OCA2: variants seen among roughly 807,000 people sequenced by gnomAD.
The protein encoded by OCA2 is OCA2 melanosomal transmembrane protein, also known as P protein.
In OCA2, 77 loss-of-function variants were observed where a neutral mutation model predicts 100.2. The ratio of observed to expected loss-of-function variants is 0.77; its 90% CI spans 0.64 to 0.93. The LOEUF is 0.93. Ranked by LOEUF, OCA2 falls within the 40% of genes least tolerant of loss-of-function variation. The pLI is 0.00. For missense variants in OCA2, 1,062 were observed against 1,089.1 expected (o/e 0.98, Z 0.35); for synonymous variants, 432 against 439.2 (o/e 0.98, Z 0.21).
chr15:27,832,020 G>A (rs1328979696), intron 23 of OCA2, among the ~76,000 whole-genome samples: 11 of 150,322 alleles, frequency 7.3e-5, no homozygotes, highest in East Asian at 2.0e-4. Flanking sequence ...CCCCTGCTCC[G>A]TCAGAGACTC....
At chr15:28,000,210 T>G (rs906185550) in intron 9 of OCA2, among the ~76,000 whole-genome samples, 3 of 152,200 alleles carry the variant, frequency 2.0e-5, no homozygotes, top group Non-Finnish European at 4.4e-5. Flanking sequence ...GATATCAAAC[T>G]ATATTACACA....
At chr15:27,850,607 C>T (rs1236949848) in intron 22 of OCA2, among the ~76,000 whole-genome samples, 1 of 152,130 alleles carries the variant, frequency 6.6e-6, no homozygotes, top group South Asian at 2.1e-4. Flanking sequence ...AGAAACTTCA[C>T]TGAATGACAT....
At chr15:27,924,084 A>C (rs1160640068) in intron 19 of OCA2, among the ~76,000 whole-genome samples, 1 of 152,208 alleles carries the variant, frequency 6.6e-6, no homozygotes, top group Non-Finnish European at 1.5e-5. Flanking sequence ...GTGGGTAGCC[A>C]GTTCTCCCAG....
chr15:28,008,112 A>C (rs1372077391), intron 9 of OCA2, among the ~76,000 whole-genome samples: 1 of 152,240 alleles, frequency 6.6e-6, no homozygotes, highest in African/African-American at 2.4e-5. Context: ...ACTGAACAAA[A>C]GCAACCAACA....
At chr15:27,817,480 A>G (rs574909048) in intron 23 of OCA2, among the ~76,000 whole-genome samples, 1 of 152,172 alleles carries the variant, frequency 6.6e-6, no homozygotes, top group Non-Finnish European at 1.5e-5. Flanking sequence ...TACTGATGAA[A>G]CTACTGGCTC....
Position 27,936,857 on chromosome 15 carries a change from C to T in OCA2, c.1952-10603G>A, listed in dbSNP as rs932355905. 3.9e-5 allele frequency among the ~76,000 whole-genome samples: 6 copies of T among 152,304 alleles called. No individual in the cohort carries two copies. In the East Asian group the frequency reaches 1.2e-3, roughly 29 times the overall value. On this transcript the variant is annotated intron_variant, in intron 18 of 23. Transcript: ENST00000354638. The stretch of plus-strand genomic sequence containing the variant: ...AGCTTCTGCGTGGTTTCCAATCTGG[C>T]TTAGGAAATGCCTCAATTACATCAA...
chr15:27,750,472 G>A (rs186662195), downstream of OCA2, among the ~76,000 whole-genome samples: 2 of 152,194 alleles, frequency 1.3e-5, no homozygotes, highest in East Asian at 1.9e-4. Flanking sequence ...GTTAATATTG[G>A]GCATATAGAG....
At chr15:27,808,337 T>C (rs8037607) in intron 23 of OCA2, among the ~76,000 whole-genome samples, 106,305 of 152,166 alleles carry the variant, frequency 0.7, 38,031 homozygotes, top group East Asian at 1. Context: ...ATGGGGCAGA[T>C]GTCGCAACCT....
chr15:27,833,971 C>A (rs1350430313), intron 23 of OCA2, among the ~76,000 whole-genome samples: 1 of 152,146 alleles, frequency 6.6e-6, no homozygotes, highest in African/African-American at 2.4e-5. Context: ...TGTCCCCATT[C>A]CTAGCACAGA....
At chr15:27,851,318 TG>T (rs2035740188) in intron 22 of OCA2, 63 bp downstream of exon 22, 1 of 1,303,122 alleles carries the variant, frequency 7.7e-7, no homozygotes, top group Non-Finnish European at 1.1e-6. Flanking sequence ...CACTAACTGT[TG>T]CTTTGGGCTG....
chr15:28,038,143 C>G (rs534654155), intron 2 of OCA2, among the ~76,000 whole-genome samples: 115 of 152,298 alleles, frequency 7.6e-4, no homozygotes, highest in African/African-American at 2.6e-3. Context: ...TGTTTTCATC[C>G]TGGCTTCACT....
At chr15:28,093,709 G>A (rs2044912555) in intron 1 of OCA2, among the ~76,000 whole-genome samples, 1 of 152,134 alleles carries the variant, frequency 6.6e-6, no homozygotes, top group Non-Finnish European at 1.5e-5. Context: ...TGTCCGTAGG[G>A]GAGTGTGAAA....
chr15:27,934,107 T>C (rs1411138719), intron 18 of OCA2, among the ~76,000 whole-genome samples: 3 of 152,100 alleles, frequency 2.0e-5, no homozygotes, highest in South Asian at 2.1e-4. Flanking sequence ...CCTTGCCATT[T>C]TAACCATATA....
intron 23 of OCA2, among the ~76,000 whole-genome samples, chr15:27,819,199 GT>G (rs2034415273): frequency 1.3e-5 from 2 of 152,192 alleles, no homozygotes; most frequent in Admixed American, 6.5e-5. Context: ...CCAAGAGAAG[GT>G]GCTCAATCCT....
chr15:27,997,027 AAG>A (rs1056278863), intron 9 of OCA2, among the ~76,000 whole-genome samples: 8 of 75,650 alleles, frequency 1.1e-4, no homozygotes, highest in African/African-American at 1.5e-4. Context: ...GAAAGAAAGA[AAG>A]AGAGAGAGAG....
chr15:28,070,726 G>A (rs2044232150), intron 2 of OCA2, among the ~76,000 whole-genome samples: 4 of 150,072 alleles, frequency 2.7e-5, no homozygotes, highest in South Asian at 2.1e-4. Context: ...AGAAAGGCGG[G>A]AAAGGTGGGG....
At chr15:28,022,166 G>C (rs1257634376) in intron 6 of OCA2, among the ~76,000 whole-genome samples, 1 of 152,236 alleles carries the variant, frequency 6.6e-6, no homozygotes, top group Non-Finnish European at 1.5e-5. Flanking sequence ...CAGGACAGCA[G>C]GGACTGGAAG....
intron 23 of OCA2, among the ~76,000 whole-genome samples, chr15:27,805,594 C>T (rs925055296): frequency 6.6e-6 from 1 of 152,150 alleles, no homozygotes; most frequent in African/African-American, 2.4e-5. Flanking sequence ...GGAGGAGGAC[C>T]TATGGCACGT....
rs1436386882 is a variant in OCA2, at chr15:27,871,202, T to C, written c.2196A>G (p.Ser732=). ...TGTCAATCAGGGACGACGCCAGGGC[T>C]GAGACCCACACCACCAGGACAATGG... is the stretch of plus-strand genomic sequence containing the variant. ...IAAIVLVVWV[S]ALASSLIDNI... is the part of the protein sequence containing the mutation. Residue 732 remains serine (S), a synonymous_variant, in exon 21 of 24, where the codon TCA becomes TCG. Coordinates refer to ENST00000354638, the MANE Select transcript of OCA2 (RefSeq NM_000275.3). 2 of 1,614,050 alleles carry C rather than the reference T, an allele frequency of 1.2e-6. No homozygotes were observed. Among genetic ancestry groups the C allele is most frequent in the Admixed American group, 3.3e-5 (2 of 60,018 alleles).
Sources: gnomAD v4.1 joint callset for allele counts (sites outside exome capture counted in the v4.1 genomes callset) on GRCh38, gnomAD v4.1.1 for gene constraint, MANE v1.5 for transcripts, NCBI Gene and HGNC (gene_info 2026-07-23, HGNC 2026-07-21) for gene names.